The following SF3B1 variants were observed in gnomAD, a reference collection of about 807,000 sequenced individuals.
SF3B1 encodes pre-mRNA processing 10.
A neutral mutation model predicts 153.8 loss-of-function variants in SF3B1; 12 were observed. The observed-to-expected ratio is 0.08, with a 90% CI of 0.05 to 0.13. SF3B1 has a LOEUF of 0.13. Among genes scored for constraint, SF3B1 ranks in the 10% least tolerant of loss-of-function variants. SF3B1 has a pLI of 1.00. For synonymous variants in SF3B1, 498 were observed against 525.2 expected (o/e 0.95, Z 0.71); for missense variants, 513 against 1,606.1 (o/e 0.32, Z 11.63).
At chr2:197,413,591 T>C (rs1323672190) in intron 6 of SF3B1, among the ~76,000 whole-genome samples, 3 of 152,152 alleles carry the variant, frequency 2.0e-5, no homozygotes, top group African/African-American at 7.2e-5. Flanking sequence ...TCTGATAGGT[T>C]TTTTCTTGGT....
intron 1 of SF3B1, among the ~76,000 whole-genome samples, chr2:197,425,876 T>G (rs1255773805): frequency 6.6e-6 from 1 of 151,926 alleles, no homozygotes; most frequent in Non-Finnish European, 1.5e-5. Context: ...GGCAAACCTA[T>G]AGTCCCCTGC....
chr2:197,391,360 C>A lies in SF3B1; in HGVS notation c.*943G>T, dbSNP rs1424197390. ...GTCTCCCCTTCTCCATTATACTGTT[C>A]TTAAAGGTAGAGGGCAGGTCTCATG... is the stretch of plus-strand genomic sequence containing the variant. On this transcript the variant is annotated 3_prime_UTR_variant, in exon 25 of 25. Transcript: ENST00000335508. The A allele has an allele frequency of 6.6e-6, 1 of 152,170 alleles. No individual in the cohort carries two copies. Among genetic ancestry groups the A allele is most frequent in the African/African-American group, 2.4e-5 (1 of 41,446 alleles). The allele number at this position is 152,170 out of a possible 1,614,324, so 9.4% of individuals were successfully genotyped here.
At chr2:197,395,984 A>T in intron 23 of SF3B1, 72 bp downstream of exon 23, 1 of 1,344,524 alleles carries the variant, frequency 7.4e-7, no homozygotes, top group Non-Finnish European at 1.0e-6. Context: ...GTCATCTAAT[A>T]ACTATTTCAC....
chr2:197,417,592 A>AG lies in SF3B1; in HGVS notation c.496-682_496-681insC, dbSNP rs1297891631. Among the ~76,000 whole-genome samples the AG allele has an allele frequency of 5.3e-5, 8 of 150,838 alleles. No individual in the cohort carries two copies. The South Asian group carries it at 6.3e-4, about 12-fold the overall frequency. ...ACCTCTACTAAAAAAAAAAAAAAAA[A>AG]AAAGAAATATGAAAATTAGCCAGGC... On this transcript the variant is annotated intron_variant, in intron 5 of 24. Transcript: ENST00000335508.
At chr2:197,405,674 A>C (rs2105990958) in intron 9 of SF3B1, among the ~76,000 whole-genome samples, 1 of 152,322 alleles carries the variant, frequency 6.6e-6, no homozygotes, top group Non-Finnish European at 1.5e-5. Flanking sequence ...TCCGTGGTGT[A>C]GGGAACTGAG....
At chr2:197,411,725 A>T (rs1574538407) in intron 6 of SF3B1, among the ~76,000 whole-genome samples, 1 of 151,742 alleles carries the variant, frequency 6.6e-6, no homozygotes, top group African/African-American at 2.4e-5. Flanking sequence ...AGACACAAGG[A>T]CTTCATCTAC....
chr2:197,417,595 A>G lies in SF3B1; in HGVS notation c.496-684T>C, dbSNP rs867361927. ...TCTACTAAAAAAAAAAAAAAAAAAA[A>G]GAAATATGAAAATTAGCCAGGCATG... On this transcript the variant is annotated intron_variant, in intron 5 of 24. Coordinates refer to ENST00000335508, the MANE Select transcript of SF3B1 (RefSeq NM_012433.4). Among the ~76,000 whole-genome samples, 17 of 149,742 alleles carry G rather than the reference A, an allele frequency of 1.1e-4. No individual in the cohort carries two copies. In the South Asian group the frequency reaches 3.4e-3, roughly 30 times the overall value.
chr2:197,391,220 T>C lies in SF3B1; in HGVS notation c.*1083A>G, dbSNP rs1422782600. On this transcript the variant is annotated 3_prime_UTR_variant, in exon 25 of 25. Coordinates refer to ENST00000335508, the MANE Select transcript of SF3B1 (RefSeq NM_012433.4). Reference sequence around the variant, plus strand: ...ATTAAATGGCATTTCATTCAGTTTATGCTGAACTCTTAGATCAACTTATTA... The same window carrying C: ...ATTAAATGGCATTTCATTCAGTTTACGCTGAACTCTTAGATCAACTTATTA... 6.6e-6 allele frequency: 1 copy of C among 152,256 alleles called. No individual in the cohort carries two copies. Among genetic ancestry groups the C allele is most frequent in the African/African-American group, 2.4e-5 (1 of 41,472 alleles). 9.4% of individuals were successfully genotyped at this position (152,256 alleles called of 1,614,324 possible). A position where few individuals can be genotyped will look rare whatever the true frequency, so the allele number is the denominator to read the frequency against.
At chr2:197,421,609 G>A (rs2085243590) in intron 2 of SF3B1, among the ~76,000 whole-genome samples, 2 of 152,010 alleles carry the variant, frequency 1.3e-5, no homozygotes, top group African/African-American at 4.8e-5. Flanking sequence ...TACTTTTCTA[G>A]TATAAAAAGT....
intron 21 of SF3B1, 72 bp downstream of exon 21, chr2:197,398,389 G>A: frequency 6.7e-7 from 1 of 1,497,962 alleles, no homozygotes. Context: ...AGGAAATTTT[G>A]CTAATTGAAT....
At chr2:197,394,235 G>A (rs1417107436) in intron 23 of SF3B1, among the ~76,000 whole-genome samples, 6 of 152,054 alleles carry the variant, frequency 3.9e-5, no homozygotes, top group Non-Finnish European at 5.9e-5. Context: ...GTTAGAGATA[G>A]GGAAGGCCTC....
chr2:197,423,527 G>T (rs937343498), intron 2 of SF3B1, among the ~76,000 whole-genome samples: 2 of 152,176 alleles, frequency 1.3e-5, no homozygotes, highest in Non-Finnish European at 2.9e-5. Flanking sequence ...AGATAGAGCT[G>T]ATAAGTAATG....
In SF3B1 at chr2:197,393,195, C is replaced by T. The variant is rs780253014; in HGVS notation, c.3540-7G>A. On this transcript the variant is annotated splice_polypyrimidine_tract_variant and splice_region_variant and intron_variant, in intron 23 of 24. Coordinates refer to ENST00000335508, the MANE Select transcript of SF3B1 (RefSeq NM_012433.4). Reference sequence around the variant, plus strand: ...CTGTCTGTGTACAAGGTCTCTACAACGGAAGGGAAAAAAGTCCTTTAAGAT... The same window carrying T: ...CTGTCTGTGTACAAGGTCTCTACAATGGAAGGGAAAAAAGTCCTTTAAGAT... 4.6e-5 allele frequency: 73 copies of T among 1,604,098 alleles called. No individual in the cohort carries two copies. The highest frequency in any genetic ancestry group is 5.8e-5 in the Non-Finnish European group (68 of 1,171,820).
intron 4 of SF3B1, chr2:197,419,195 T>C: frequency 2.2e-6 from 1 of 457,252 alleles, no homozygotes; most frequent in South Asian, 4.4e-5. Flanking sequence ...CCAGAAAACA[T>C]ATTTTTATTT....
intron 9 of SF3B1, 46 bp from the exon 10 acceptor site, chr2:197,405,518 A>C: frequency 7.5e-7 from 1 of 1,326,012 alleles, no homozygotes; most frequent in Non-Finnish European, 1.1e-6. Flanking sequence ...AACTTAAAAA[A>C]CAGCATAATG....
chr2:197,408,356 G>A lies in SF3B1; in HGVS notation c.1117+13C>T. The A allele has an allele frequency of 6.2e-7, 1 of 1,610,388 alleles. No individual in the cohort carries two copies. ...GGAGAAAAAAACAATTATGTCCAAT[G>A]AGACAGTTCTACCTGGAGTAGGGGT... On this transcript the variant is annotated intron_variant, in intron 8 of 24. Transcript: ENST00000335508.
In SF3B1 at chr2:197,400,710, AT is replaced by A; in HGVS notation, c.2718+4del. 6.3e-7 allele frequency: 1 copy of A among 1,584,302 alleles called. No homozygotes were observed. On this transcript the variant is annotated splice_donor_region_variant and intron_variant, in intron 18 of 24. Transcript: ENST00000335508. This position sits in a 1 kb window ranked among gnomAD's most constrained non-coding sequence, Gnocchi z 5.0. Reference sequence around the variant, plus strand: ...GTAGCAATGTGCCATAATAGTTTTCATTACCTCTGTAGTCTGTTCTTGGAAA... The same window carrying A: ...GTAGCAATGTGCCATAATAGTTTTCATACCTCTGTAGTCTGTTCTTGGAAA...
At position 197,393,199 on chromosome 2, in the gene SF3B1, AG is replaced by A; in HGVS notation, c.3540-12del. The A allele has an allele frequency of 6.3e-7, 1 of 1,591,424 alleles. No homozygotes were observed. ...CTGTGTACAAGGTCTCTACAACGGA[AG>A]GGAAAAAAGTCCTTTAAGATGCGGT... On this transcript the variant is annotated splice_polypyrimidine_tract_variant and intron_variant, in intron 23 of 24. Transcript: ENST00000335508.
In SF3B1 at chr2:197,408,544, A is replaced by G. The variant is rs1441437550; in HGVS notation, c.942T>C (p.Pro314=). ...TAGAATCTCCACCTCGATCTGTTCG[A>G]GGAGTCTCAGCCCATCCACTTCCAT... The part of the protein sequence containing the change: ...PGHGSGWAET[P]RTDRGGDSIG... The change falls in exon 8 of 25, where the codon CCT becomes CCC. Residue 314 remains proline (P), a synonymous_variant. Coordinates refer to ENST00000335508, the MANE Select transcript of SF3B1 (RefSeq NM_012433.4). The G allele has an allele frequency of 1.2e-6, 2 of 1,612,718 alleles. No individual in the cohort carries two copies. Among genetic ancestry groups the G allele is most frequent in the Admixed American group, 3.3e-5 (2 of 60,000 alleles).
Sources: gnomAD v4.1 joint callset for allele counts (sites outside exome capture counted in the v4.1 genomes callset) on GRCh38, gnomAD v4.1.1 for gene constraint, Gnocchi (gnomAD v3.1) non-coding constraint, MANE v1.5 for transcripts, NCBI Gene and HGNC (gene_info 2026-07-23, HGNC 2026-07-21) for gene names.